The following IL4I1 variants were observed in gnomAD, a reference collection of about 807,000 sequenced individuals.
IL4I1 encodes the protein interleukin 4 induced 1, also known as L-amino-acid oxidase.
In IL4I1, 24 loss-of-function variants were observed where a neutral mutation model predicts 29.7. The ratio of observed to expected loss-of-function variants is 0.81; its 90% CI spans 0.59 to 1.14. IL4I1 has a LOEUF of 1.14. Ranked by LOEUF, IL4I1 falls within the 50% of genes most tolerant of loss-of-function variation. IL4I1 has a pLI of 0.00. For synonymous variants in IL4I1, 371 were observed against 352.5 expected, an observed-to-expected ratio of 1.05 and a Z score of -0.59; for missense variants, 686 against 785.6, an observed-to-expected ratio of 0.87 and a Z score of 1.52.
chr19:49,925,033 G>A (rs978501651), intron 2 of IL4I1, among the ~76,000 whole-genome samples: 4 of 152,022 alleles, frequency 2.6e-5, no homozygotes, highest in Non-Finnish European at 4.4e-5. Flanking sequence ...AGGCTGAGGC[G>A]GGTGGATCGC....
At chr19:49,926,122 T>C (rs956062345) in intron 2 of IL4I1, among the ~76,000 whole-genome samples, 1 of 143,124 alleles carries the variant, frequency 7.0e-6, no homozygotes, top group African/African-American at 2.6e-5. Flanking sequence ...AGCAGGAGAA[T>C]GGCTTGAACC....
chr19:49,890,175 C>T lies in IL4I1; in HGVS notation c.1199G>A (p.Trp400Ter). 1.9e-6 allele frequency: 3 copies of T among 1,542,684 alleles called. No homozygotes were observed. The highest frequency in any genetic ancestry group is 1.4e-5 in the African/African-American group (1 of 72,996). Residue 400 changes from tryptophan (W) to a stop codon, truncating the protein, a stop_gained, in exon 8 of 8, where the codon TGG becomes TAG. Transcript: ENST00000391826. LOFTEE classifies it low-confidence loss of function (END_TRUNC). ...GGCGAACGCTGCCGCCGCGTCCGAC[C>T]ACGTGTACGAGGCCAGCAGCAGCGC... ...EGALLLASYT[W>*]SDAAAAFAGL...
intron 2 of IL4I1, chr19:49,907,319 T>G: frequency 3.2e-6 from 1 of 309,032 alleles, no homozygotes; most frequent in Non-Finnish European, 6.3e-6. Context: ...AAGGTGGGGG[T>G]GAGCCTGGGC....
At chr19:49,914,009 T>C (rs1438449124) in intron 2 of IL4I1, among the ~76,000 whole-genome samples, 1 of 152,088 alleles carries the variant, frequency 6.6e-6, no homozygotes, top group Admixed American at 6.5e-5. Flanking sequence ...CATCACAATT[T>C]GAGCAAAGTG....
At chr19:49,905,640 A>G (rs543520466) in intron 2 of IL4I1, among the ~76,000 whole-genome samples, 1 of 152,310 alleles carries the variant, frequency 6.6e-6, no homozygotes, top group East Asian at 1.9e-4. Context: ...TTTGTTGCCT[A>G]GGCTGGAGTG....
At position 49,890,212 on chromosome 19, in the gene IL4I1, G is replaced by T. The variant is rs2075113262; in HGVS notation, c.1162C>A (p.Pro388Thr). 1 of 1,549,524 alleles carries T rather than the reference G, an allele frequency of 6.5e-7. No homozygotes were observed. The highest frequency in any genetic ancestry group is 1.2e-5 in the South Asian group (1 of 84,716). The change falls in exon 8 of 8, where the codon CCG becomes ACG. Residue 388 changes from proline (P) to threonine (T), a missense_variant. Transcript: ENST00000391826. ...RPSRMIFYPP[P>T]REGALLLASY... is the part of the protein sequence containing the mutation. ...GCCAGCAGCAGCGCGCCCTCGCGCGGCGGCGGGTAGAAAATCATGCGCGAC... is the reference window on the plus strand; with the variant it reads ...GCCAGCAGCAGCGCGCCCTCGCGCGTCGGCGGGTAGAAAATCATGCGCGAC...
At chr19:49,909,590 C>G in intron 2 of IL4I1, 1 of 1,614,106 alleles carries the variant, frequency 6.2e-7, no homozygotes, top group Non-Finnish European at 8.5e-7. Flanking sequence ...AAAAGTGAAG[C>G]CTGTCGTCTG....
chr19:49,903,839 T>TTTTG (rs2075292223), intron 3 of IL4I1, among the ~76,000 whole-genome samples: 1 of 140,536 alleles, frequency 7.1e-6, no homozygotes, highest in Non-Finnish European at 1.5e-5. Flanking sequence ...GGTTTTTTTT[T>TTTTG]TTTTTTTTTT....
At chr19:49,906,975 G>A (rs2075334631) in intron 2 of IL4I1, 1 of 153,302 alleles carries the variant, frequency 6.5e-6, no homozygotes. Flanking sequence ...TACTGTAACT[G>A]ACTAGAGTTA....
chr19:49,890,928 T>TTCCCCCCCCCCCCCCCCCCC lies in IL4I1; in HGVS notation c.773+42_773+43insGGGGGGGGGGGGGGGGGGGA. On this transcript the variant is annotated intron_variant, in intron 7 of 7. Coordinates refer to ENST00000391826, the MANE Select transcript of IL4I1 (RefSeq NM_152899.2). ...CCCACTCCCTGCTACTTTCCCTGAT[T>TTCCCCCCCCCCCCCCCCCCC]GCCCCCCGCCCCCCCCCCCTGCCCG... The TTCCCCCCCCCCCCCCCCCCC allele has an allele frequency of 6.3e-6, 4 of 633,210 alleles. No individual in the cohort carries two copies. The South Asian group carries it at 9.6e-5, about 15-fold the overall frequency. The allele number at this position is 633,210 out of a possible 1,614,324, so 39.2% of individuals were successfully genotyped here.
chr19:49,902,774 G>A (rs1410816930), intron 3 of IL4I1, among the ~76,000 whole-genome samples: 5 of 151,532 alleles, frequency 3.3e-5, no homozygotes, highest in African/African-American at 9.7e-5. Context: ...AGGTCGCTAT[G>A]AGTTGAGATC....
At chr19:49,909,094 G>A (rs199549453) in intron 2 of IL4I1, 28 of 1,612,454 alleles carry the variant, frequency 1.7e-5, no homozygotes, top group African/African-American at 2.7e-5. Context: ...GGGTACAGAG[G>A]GAGAGTCCAG....
rs2075187695 is a variant in IL4I1 at position 49,895,035 on chromosome 19, C to G, written c.365+33G>C. The G allele has an allele frequency of 5.8e-6, 9 of 1,551,700 alleles. No homozygotes were observed. The South Asian group carries it at 1.0e-4, about 17-fold the overall frequency. ...CATGGAGCTGGGGGGCTAGTTGAGT[C>G]TAGGCACACAGGTGGGTGGGTTGCT... On this transcript the variant is annotated intron_variant, in intron 4 of 7. Transcript: ENST00000391826.
upstream of IL4I1, chr19:49,896,933 G>A (rs957190106): frequency 7.3e-6 from 7 of 963,826 alleles, no homozygotes; most frequent in African/African-American, 1.2e-4. Context: ...GCAGAGCCCC[G>A]CCCACCCCTC....
At chr19:49,928,804 C>T (rs2075979714) in intron 1 of IL4I1, 1 of 152,286 alleles carries the variant, frequency 6.6e-6, no homozygotes, top group East Asian at 1.9e-4. Context: ...GCAGGAAATT[C>T]TGCAAGCAAG....
rs1568685986 is a variant in IL4I1 at position 49,894,415 on chromosome 19, C to G, written c.420G>C (p.Gln140His). ...CCTCCGTCCACGTGTTCTTGTCGTA[C>G]TGGGTGAACTTGGTCAGGTTGAGCC... Reference protein sequence around the residue: ...GLGLNLTKFTQYDKNTWTEVH... With the variant: ...GLGLNLTKFTHYDKNTWTEVH... The change falls in exon 5 of 8, where the codon CAG becomes CAC. Residue 140 changes from glutamine (Q) to histidine (H), a missense_variant. Gln to His is a conservative substitution (Grantham distance 24, BLOSUM62 0). Coordinates refer to ENST00000391826, the MANE Select transcript of IL4I1 (RefSeq NM_152899.2). 1 of 1,614,208 alleles carries G rather than the reference C, an allele frequency of 6.2e-7. No homozygotes were observed. The highest frequency in any genetic ancestry group is 8.5e-7 in the Non-Finnish European group (1 of 1,180,040).
In IL4I1 at chr19:49,891,098, G is replaced by C; in HGVS notation, c.646C>G (p.Leu216Val). The stretch of plus-strand genomic sequence containing the variant: ...GGCCGGCTCAGGTTCCCCTCCCCGA[G>C]AAGATATTCCTGCAGGTTGGGCACA... ...FERHTLLEYLLGEGNLSRPAV... is the reference protein window; with the variant it reads ...FERHTLLEYLVGEGNLSRPAV... The change falls in exon 7 of 8, where the codon CTC becomes GTC. Residue 216 changes from leucine to valine, a missense_variant. By Grantham distance (32) the Leu-to-Val change is conservative. Coordinates refer to ENST00000391826, the MANE Select transcript of IL4I1 (RefSeq NM_152899.2). 5.0e-6 allele frequency: 8 copies of C among 1,612,870 alleles called. No individual in the cohort carries two copies. Among genetic ancestry groups the C allele is most frequent in the Non-Finnish European group, 5.1e-6 (6 of 1,179,648 alleles).
chr19:49,892,413 C>T (rs1302215413), intron 5 of IL4I1, among the ~76,000 whole-genome samples: 1 of 152,104 alleles, frequency 6.6e-6, no homozygotes, highest in Non-Finnish European at 1.5e-5. Flanking sequence ...GGGAAGGCCT[C>T]ATGGTCACTC....
intron 2 of IL4I1, chr19:49,908,861 G>C: frequency 6.2e-7 from 1 of 1,611,766 alleles, no homozygotes; most frequent in Non-Finnish European, 8.5e-7. Flanking sequence ...AGCTGCGCCA[G>C]GGCCAGGTGG....
Sources: gnomAD v4.1 joint callset for allele counts (sites outside exome capture counted in the v4.1 genomes callset) on GRCh38, gnomAD v4.1.1 for gene constraint, MANE v1.5 for transcripts, NCBI Gene and HGNC (gene_info 2026-07-23, HGNC 2026-07-21) for gene names.